The following PRDM5 variants were observed in gnomAD, a reference collection of about 807,000 sequenced individuals.
PRDM5 encodes the protein PR domain zinc finger protein 5.
A neutral mutation model predicts 81.2 loss-of-function variants in PRDM5; 56 were observed. The observed-to-expected ratio is 0.69, with a 90% CI of 0.56 to 0.86. The LOEUF (loss-of-function observed/expected upper bound fraction) is 0.86. PRDM5 is among the 40% of genes least tolerant of loss of function. PRDM5 has a pLI of 0.00. For synonymous variants in PRDM5, 267 were observed against 256.4 expected (o/e 1.04, Z -0.39); for missense variants, 697 against 770.1 (o/e 0.91, Z 1.12).
At chr4:120,684,415 T>C (rs1014587511), downstream of PRDM5, among the ~76,000 whole-genome samples, 1 of 151,944 alleles carries the variant, frequency 6.6e-6, no homozygotes, top group African/African-American at 2.4e-5. Flanking sequence ...AGAAAACAAA[T>C]CCACTTCTCC....
At chr4:120,837,171 T>C (rs927311303) in intron 3 of PRDM5, among the ~76,000 whole-genome samples, 1 of 152,220 alleles carries the variant, frequency 6.6e-6, no homozygotes, top group Admixed American at 6.5e-5. Context: ...AGGCTAGTGA[T>C]ACTGTTATAA....
chr4:120,810,173 C>A (rs1753629318), intron 8 of PRDM5, among the ~76,000 whole-genome samples: 1 of 152,068 alleles, frequency 6.6e-6, no homozygotes. Flanking sequence ...GGAAAACGGT[C>A]CCTAGTACCA....
chr4:120,778,080 G>A lies in PRDM5; in HGVS notation c.1444-799C>T, dbSNP rs770912851. Among the ~76,000 whole-genome samples the A allele has an allele frequency of 1.5e-4, 23 of 152,188 alleles. 1 individual carries two copies. The highest frequency in any genetic ancestry group is 2.6e-4 in the Admixed American group (4 of 15,278). On this transcript the variant is annotated intron_variant, in intron 12 of 15. Transcript: ENST00000264808. The stretch of plus-strand genomic sequence containing the variant: ...TCAGAGCTATTTCTCAAGTCCCAGT[G>A]TTTCTCAAACTTAAGAGATTGGAGA...
intron 2 of PRDM5, among the ~76,000 whole-genome samples, chr4:120,868,816 C>T (rs1761478102): frequency 1.3e-5 from 2 of 152,112 alleles, no homozygotes; most frequent in East Asian, 1.9e-4. Flanking sequence ...ACTAATTCTA[C>T]ACTCTCTTTG....
At chr4:120,691,430 T>A (rs1319420671), downstream of PRDM5, among the ~76,000 whole-genome samples, 2 of 152,136 alleles carry the variant, frequency 1.3e-5, no homozygotes, top group Admixed American at 1.3e-4. Context: ...ACTACTCAGA[T>A]GATTATTTTT....
chr4:120,841,473 C>T (rs925238387), intron 3 of PRDM5, among the ~76,000 whole-genome samples: 30 of 152,216 alleles, frequency 2.0e-4, no homozygotes, highest in Non-Finnish European at 4.1e-4. Flanking sequence ...GCTAATTCTA[C>T]TGTTTTGTGT....
intron 15 of PRDM5, among the ~76,000 whole-genome samples, chr4:120,697,074 A>G (rs1302178854): frequency 1.3e-5 from 2 of 152,210 alleles, no homozygotes; most frequent in African/African-American, 4.8e-5. Flanking sequence ...TATATAAATT[A>G]TAATAATCAA....
At chr4:120,779,226 T>C (rs996832261) in intron 12 of PRDM5, among the ~76,000 whole-genome samples, 5 of 152,146 alleles carry the variant, frequency 3.3e-5, no homozygotes, top group Non-Finnish European at 7.4e-5. Context: ...CAATTTTGGT[T>C]AGCTAGTTTC....
Position 120,754,634 on chromosome 4 carries a change from C to T in PRDM5, c.1542G>A (p.Glu514=). The T allele has an allele frequency of 2.5e-6, 4 of 1,591,164 alleles. No homozygotes were observed. Among genetic ancestry groups the T allele is most frequent in the Non-Finnish European group, 3.4e-6 (4 of 1,159,804 alleles). Reference sequence around the variant, plus strand: ...CACAGTAAGGACATTGATAGGGACGCTCACCTACAAATAAAGGAAGCCTCC... The same window carrying T: ...CACAGTAAGGACATTGATAGGGACGTTCACCTACAAATAAAGGAAGCCTCC... The part of the protein sequence containing the change: ...LRVHIRSHTG[E]RPYQCPYCEK... Residue 514 remains glutamate (E), a synonymous_variant, in exon 14 of 16, where the codon GAG becomes GAA. Transcript: ENST00000264808.
At chr4:120,810,592 C>T (rs1753700539) in intron 8 of PRDM5, 1 of 151,738 alleles carries the variant, frequency 6.6e-6, no homozygotes, top group South Asian at 2.1e-4. Flanking sequence ...AAGACTGCCA[C>T]TTGAAAACTG....
At chr4:120,901,973 C>A (rs541767084) in intron 2 of PRDM5, among the ~76,000 whole-genome samples, 2 of 152,292 alleles carry the variant, frequency 1.3e-5, no homozygotes, top group South Asian at 4.1e-4. Flanking sequence ...GAGGCAGAGA[C>A]CTTGTGATCT....
intron 10 of PRDM5, among the ~76,000 whole-genome samples, chr4:120,790,852 A>T (rs1578745774): frequency 6.6e-6 from 1 of 152,146 alleles, no homozygotes; most frequent in Non-Finnish European, 1.5e-5. Context: ...GCTGAGGTGG[A>T]AGACTGCTTG....
At chr4:120,690,559 G>T (rs1488229999), downstream of PRDM5, among the ~76,000 whole-genome samples, 1 of 151,926 alleles carries the variant, frequency 6.6e-6, no homozygotes, top group African/African-American at 2.4e-5. Flanking sequence ...AATGAAAAAA[G>T]ATATGCCAGT....
At chr4:120,832,949 T>C (rs1216593998) in intron 3 of PRDM5, among the ~76,000 whole-genome samples, 1 of 152,076 alleles carries the variant, frequency 6.6e-6, no homozygotes, top group Non-Finnish European at 1.5e-5. Flanking sequence ...ACCAGAAACA[T>C]ATTAGATAGC....
chr4:120,716,220 T>C (rs1331478606), intron 14 of PRDM5, among the ~76,000 whole-genome samples: 1 of 152,218 alleles, frequency 6.6e-6, no homozygotes, highest in Non-Finnish European at 1.5e-5. Flanking sequence ...CAAATGTCGT[T>C]GAAATTATAT....
rs899946469 is a variant in PRDM5 at position 120,775,561 on chromosome 4, C to A, written c.1537+1627G>T. 1.1e-4 allele frequency among the ~76,000 whole-genome samples: 16 copies of A among 152,242 alleles called. 1 individual carries two copies. The highest frequency in any genetic ancestry group is 5.8e-4 in the East Asian group (3 of 5,186). On this transcript the variant is annotated intron_variant, in intron 13 of 15. Coordinates refer to ENST00000264808, the MANE Select transcript of PRDM5 (RefSeq NM_018699.4). ...AATGTAAGTCCCTACCTTTTAAAAA[C>A]ACACTATACCAAACATAACACAATT...
At chr4:120,833,134 G>A (rs1756922088) in intron 3 of PRDM5, among the ~76,000 whole-genome samples, 2 of 152,128 alleles carry the variant, frequency 1.3e-5, no homozygotes, top group African/African-American at 4.8e-5. Flanking sequence ...GCTTTCTGCT[G>A]TTTCAGTTAC....
At chr4:120,699,161 A>AATATATATATATAT (rs70948358) in intron 15 of PRDM5, among the ~76,000 whole-genome samples, 34 of 73,434 alleles carry the variant, frequency 4.6e-4, no homozygotes, top group African/African-American at 7.1e-4. Flanking sequence ...AGGAAATATA[A>AATATATATATATAT]ATATATATAT....
chr4:120,784,560 A>G (rs1215338437), intron 11 of PRDM5, among the ~76,000 whole-genome samples: 1 of 152,120 alleles, frequency 6.6e-6, no homozygotes, highest in Non-Finnish European at 1.5e-5. Flanking sequence ...AAGGTGTCCG[A>G]TTAGATGTGC....
Sources: allele counts gnomAD v4.1 joint callset (sites outside exome capture counted in the v4.1 genomes callset), GRCh38; gene constraint gnomAD v4.1.1; transcripts MANE v1.5; gene names NCBI Gene and HGNC (gene_info 2026-07-23, HGNC 2026-07-21).